Variants in UTY observed in about 807,000 individuals in gnomAD.
The protein encoded by UTY is histone demethylase UTY.
UTY carries 12 observed loss-of-function variants against 32.5 expected under a neutral mutation model. That is an observed-to-expected ratio of 0.37 (90% CI 0.24 to 0.60). The LOEUF (loss-of-function observed/expected upper bound fraction) is 0.60. Among genes scored for constraint, UTY ranks in the 20% least tolerant of loss-of-function variants. UTY has a pLI of 0.69. For synonymous variants in UTY, 131 were observed against 103.4 expected, an observed-to-expected ratio of 1.27 and a Z score of -1.62; for missense variants, 303 against 299.2, an observed-to-expected ratio of 1.01 and a Z score of -0.09.
Position 13,463,492 on chromosome Y carries a change from A to T in UTY, c.325+6629T>A, listed in dbSNP as rs766350345. ...TTTACAGTTCCACCAACAGTGTATAAGTTTTCCTATTTCTCCATATCCTCT... is the reference window on the plus strand; with the variant it reads ...TTTACAGTTCCACCAACAGTGTATATGTTTTCCTATTTCTCCATATCCTCT... On this transcript the variant is annotated intron_variant, in intron 3 of 29. Transcript: ENST00000545955. Among the ~76,000 whole-genome samples, 6 of 33,522 alleles carry T rather than the reference A, an allele frequency of 1.8e-4. No homozygotes were observed. The East Asian group carries it at 3.9e-3, about 22-fold the overall frequency. The allele number at this position is 33,522 out of a possible 37,273, so 89.9% of individuals were successfully genotyped here.
intron 27 of UTY, among the ~76,000 whole-genome samples, chrY:13,265,631 T>C: frequency 3.0e-5 from 1 of 33,577 alleles, no homozygotes; most frequent in Admixed American, 2.7e-4. Flanking sequence ...TTTGGGAGAT[T>C]TGGGGCTGAG....
intron 1 of UTY, 80 bp downstream of exon 1, chrY:13,479,434 G>A (rs2079504950): frequency 2.6e-6 from 1 of 390,221 alleles, no homozygotes; most frequent in Non-Finnish European, 3.6e-6. Context: ...GGATGACCCC[G>A]TCATCAACGT....
At chrY:13,475,677 A>T in intron 2 of UTY, among the ~76,000 whole-genome samples, 1 of 34,026 alleles carries the variant, frequency 2.9e-5, no homozygotes, top group Admixed American at 2.7e-4. Flanking sequence ...CAATTTAAAT[A>T]ATATCAAATG....
intron 6 of UTY, among the ~76,000 whole-genome samples, chrY:13,401,392 T>A: frequency 5.8e-5 from 2 of 34,241 alleles, no homozygotes; most frequent in Non-Finnish European, 1.5e-4. Flanking sequence ...TACAGACTAT[T>A]TTTTAAGTAT....
chrY:13,301,548 A>AT (rs2058375139), intron 25 of UTY, among the ~76,000 whole-genome samples: 5 of 33,004 alleles, frequency 1.5e-4, no homozygotes, highest in Admixed American at 8.3e-4. Flanking sequence ...TAGATATCAC[A>AT]TTTTTTTCCC....
At chrY:13,267,722 C>A (rs907909529) in intron 27 of UTY, among the ~76,000 whole-genome samples, 48 of 33,574 alleles carry the variant, frequency 1.4e-3, no homozygotes, top group African/African-American at 5.6e-3. Context: ...GTGACAAAAT[C>A]TCTCAGCATT....
chrY:13,254,027 T>A (rs758392887), intron 28 of UTY, among the ~76,000 whole-genome samples: 35 of 33,285 alleles, frequency 1.1e-3, no homozygotes, highest in African/African-American at 3.8e-3. Context: ...GAGAACCATA[T>A]GTGGATTTTA....
At chrY:13,269,607 C>CAAAACAAAACA (rs2056141936) in intron 27 of UTY, among the ~76,000 whole-genome samples, 5 of 30,511 alleles carry the variant, frequency 1.6e-4, no homozygotes, top group African/African-American at 6.7e-4. Context: ...CAAAACAAAA[C>CAAAACAAAACA]AAAAAAAAAC....
In UTY at chrY:13,289,986, A is replaced by T. The variant is rs751766059; in HGVS notation, c.4010+7721T>A. Among the ~76,000 whole-genome samples, 197 of 32,004 alleles carry T rather than the reference A, an allele frequency of 6.2e-3. No homozygotes were observed. The East Asian group carries it at 0.14, about 23-fold the overall frequency. 85.9% of individuals were successfully genotyped at this position (32,004 alleles called of 37,273 possible). On this transcript the variant is annotated intron_variant, in intron 27 of 29. Coordinates refer to ENST00000545955, the MANE Select transcript of UTY (RefSeq NM_001258249.2). ...CCCAGACCCACCCACCTGGCAAAAA[A>T]AAATAAAAAAAAATAAATAAAAAAA...
intron 17 of UTY, among the ~76,000 whole-genome samples, chrY:13,342,360 G>A (rs2061550084): frequency 3.0e-5 from 1 of 33,827 alleles, no homozygotes; most frequent in Non-Finnish European, 7.3e-5. Context: ...ATTACCAGAC[G>A]GTACGGGATT....
chrY:13,381,293 T>C (rs1603446227), intron 8 of UTY, among the ~76,000 whole-genome samples: 1 of 34,271 alleles, frequency 2.9e-5, no homozygotes, highest in Non-Finnish European at 7.3e-5. Flanking sequence ...TCCCAGTACT[T>C]TGAGAGACAG....
intron 17 of UTY, among the ~76,000 whole-genome samples, chrY:13,343,062 C>A: frequency 9.0e-5 from 3 of 33,427 alleles, no homozygotes; most frequent in African/African-American, 3.5e-4. Flanking sequence ...TTGATCCACG[C>A]CCTGGCATTA....
intron 4 of UTY, among the ~76,000 whole-genome samples, chrY:13,439,033 A>G: frequency 3.0e-5 from 1 of 33,061 alleles, no homozygotes; most frequent in African/African-American, 1.2e-4. Context: ...AGTCAAAAAT[A>G]AAAAGGAGAT....
intron 18 of UTY, among the ~76,000 whole-genome samples, chrY:13,330,187 G>A: frequency 5.9e-5 from 2 of 33,687 alleles, no homozygotes; most frequent in African/African-American, 2.3e-4. Context: ...GCAGTTCACA[G>A]AAAAATGTTT....
At chrY:13,398,184 G>C (rs59779827) in intron 6 of UTY, among the ~76,000 whole-genome samples, 3 of 32,335 alleles carry the variant, frequency 9.3e-5, no homozygotes, top group African/African-American at 3.6e-4. Context: ...TAAATATGCC[G>C]AGTCAGGTTG....
chrY:13,461,789 G>A, intron 3 of UTY, among the ~76,000 whole-genome samples: 1 of 32,468 alleles, frequency 3.1e-5, no homozygotes, highest in African/African-American at 1.2e-4. Context: ...GTGCGCCACC[G>A]CACCCTGCTA....
intron 26 of UTY, among the ~76,000 whole-genome samples, chrY:13,298,447 A>C: frequency 3.0e-5 from 1 of 33,536 alleles, no homozygotes; most frequent in Admixed American, 2.7e-4. Context: ...AAAATCATTT[A>C]TATTTTTAAA....
At chrY:13,307,719 G>A (rs2058773228) in intron 21 of UTY, among the ~76,000 whole-genome samples, 1 of 32,596 alleles carries the variant, frequency 3.1e-5, no homozygotes, top group Non-Finnish European at 7.5e-5. Context: ...TATAATTTAC[G>A]GTTCAATAAT....
At chrY:13,251,775 A>T (rs918669533) in intron 28 of UTY, among the ~76,000 whole-genome samples, 52 of 34,057 alleles carry the variant, frequency 1.5e-3, no homozygotes, top group Non-Finnish European at 6.6e-4. Flanking sequence ...GCCTCATATT[A>T]AAAAAAGTAC....
Sources: gnomAD v4.1 joint callset for allele counts (sites outside exome capture counted in the v4.1 genomes callset) on GRCh38, gnomAD v4.1.1 for gene constraint, MANE v1.5 for transcripts, NCBI Gene and HGNC (gene_info 2026-07-23, HGNC 2026-07-21) for gene names.